The following CDH7 variants were observed in gnomAD, a reference collection of about 807,000 sequenced individuals.
The protein encoded by CDH7 is cadherin 7, also known as cadherin-7.
Under a neutral mutation model 71.8 loss-of-function variants are expected in CDH7, and 25 were observed. The ratio of observed to expected loss-of-function variants is 0.35; its 90% CI spans 0.25 to 0.49. The LOEUF (loss-of-function observed/expected upper bound fraction) is 0.49, where lower values mean the gene tolerates loss of function less well. Among genes scored for constraint, CDH7 ranks in the 20% least tolerant of loss-of-function variants. The pLI is 0.99. For missense variants in CDH7, 862 were observed against 974.6 expected (o/e 0.88, Z 1.54); for synonymous variants, 381 against 363.8 (o/e 1.05, Z -0.54).
At chr18:65,781,575 A>G (rs1376886055) in intron 2 of CDH7, among the ~76,000 whole-genome samples, 7 of 152,090 alleles carry the variant, frequency 4.6e-5, no homozygotes, top group Admixed American at 4.6e-4. Flanking sequence ...TGTTGGAGAG[A>G]AGGAAATACA....
rs915816710 is a variant in CDH7, at chr18:65,763,131, A to G, written c.210+79A>G. The G allele has an allele frequency of 6.6e-5, 50 of 755,904 alleles. 2 individuals are homozygous for G. The Middle Eastern group carries it at 3.5e-3, about 52-fold the overall frequency. The allele number at this position is 755,904 out of a possible 1,614,324, so 46.8% of individuals were successfully genotyped here. ...TTTGATGAAAAACTGCTATATATAT[A>G]TAAAATTTATTTTTTGCTATGGGGA... On this transcript the variant is annotated intron_variant, in intron 2 of 11. Coordinates refer to ENST00000397968, the MANE Select transcript of CDH7 (RefSeq NM_004361.5).
intron 5 of CDH7, among the ~76,000 whole-genome samples, chr18:65,822,849 G>A (rs935801867): frequency 1.3e-5 from 2 of 151,658 alleles, no homozygotes; most frequent in African/African-American, 2.4e-5. Context: ...GACCAAAGGG[G>A]CTTTTAACTT....
chr18:65,877,188 A>C (rs1364985218), intron 11 of CDH7, among the ~76,000 whole-genome samples: 1 of 152,128 alleles, frequency 6.6e-6, no homozygotes, highest in African/African-American at 2.4e-5. Context: ...ACCTTCCAAA[A>C]TACCATGTTT....
At chr18:65,864,889 T>TAA (rs1191269381) in intron 11 of CDH7, among the ~76,000 whole-genome samples, 2,983 of 85,848 alleles carry the variant, frequency 0.035, 148 homozygotes, top group African/African-American at 0.13. Context: ...AGACTCCATC[T>TAA]AAAAAAAAAA....
At chr18:65,865,203 A>T (rs1178671145) in intron 11 of CDH7, 2 of 152,186 alleles carry the variant, frequency 1.3e-5, no homozygotes, top group African/African-American at 4.8e-5. Context: ...TGATGATTCT[A>T]ATTAAGAATT....
chr18:65,859,622 T>C, intron 9 of CDH7, 86 bp from the exon 10 acceptor site: 1 of 771,398 alleles, frequency 1.3e-6, no homozygotes, highest in Non-Finnish European at 2.3e-6. Flanking sequence ...GTATTTATTA[T>C]AAAGTGTAAA....
At chr18:65,758,693 C>T (rs1355959904) in intron 1 of CDH7, among the ~76,000 whole-genome samples, 1 of 152,190 alleles carries the variant, frequency 6.6e-6, no homozygotes, top group African/African-American at 2.4e-5. Context: ...ACTTCAAATA[C>T]TGCAGAGAAA....
At chr18:65,879,835 A>G (rs867499557) in intron 11 of CDH7, among the ~76,000 whole-genome samples, 79 of 152,302 alleles carry the variant, frequency 5.2e-4, no homozygotes, top group African/African-American at 1.7e-3. Context: ...TTTATACATG[A>G]AAGTGGGACT....
At chr18:65,792,966 T>A (rs1910767299) in intron 2 of CDH7, among the ~76,000 whole-genome samples, 1 of 152,172 alleles carries the variant, frequency 6.6e-6, no homozygotes, top group Admixed American at 6.5e-5. Flanking sequence ...GGGTTTAATG[T>A]ATTTTCCTTG....
intron 2 of CDH7, among the ~76,000 whole-genome samples, chr18:65,809,351 C>A (rs1228346230): frequency 2.6e-5 from 4 of 152,182 alleles, no homozygotes; most frequent in South Asian, 4.1e-4. Flanking sequence ...TAGATCAAAT[C>A]AACCCATTAT....
chr18:65,828,757 C>T (rs978415761), intron 6 of CDH7, among the ~76,000 whole-genome samples: 5 of 151,964 alleles, frequency 3.3e-5, no homozygotes, highest in South Asian at 2.1e-4. Flanking sequence ...TCATAATTTT[C>T]TTATTCTCAG....
intron 2 of CDH7, among the ~76,000 whole-genome samples, chr18:65,806,994 G>A (rs1223377602): frequency 3.3e-5 from 5 of 152,066 alleles, no homozygotes; most frequent in African/African-American, 1.2e-4. Flanking sequence ...TTTTCTGCTT[G>A]TGAATTTTGG....
At chr18:65,842,483 G>A (rs1912769702) in intron 6 of CDH7, among the ~76,000 whole-genome samples, 1 of 151,664 alleles carries the variant, frequency 6.6e-6, no homozygotes, top group South Asian at 2.1e-4. Context: ...CATATGTAAT[G>A]TGTATACATA....
intron 7 of CDH7, among the ~76,000 whole-genome samples, chr18:65,847,016 AGGTT>A (rs1912957038): frequency 1.5e-5 from 1 of 64,892 alleles, no homozygotes; most frequent in South Asian, 1.3e-3. Flanking sequence ...TCTATATTGC[AGGTT>A]GTCTTGTACT....
intron 5 of CDH7, among the ~76,000 whole-genome samples, chr18:65,823,901 C>T (rs947451704): frequency 5.3e-5 from 8 of 151,804 alleles, no homozygotes; most frequent in Non-Finnish European, 1.0e-4. Context: ...TGCGGTGTTT[C>T]GTCATTTCTG....
chr18:65,869,750 T>C (rs1342823178), intron 11 of CDH7, among the ~76,000 whole-genome samples: 1 of 152,004 alleles, frequency 6.6e-6, no homozygotes, highest in East Asian at 1.9e-4. Context: ...GGACTGAACA[T>C]TATTTTGTCA....
chr18:65,842,730 A>G (rs1187565567), intron 6 of CDH7, among the ~76,000 whole-genome samples: 1 of 152,124 alleles, frequency 6.6e-6, no homozygotes, highest in East Asian at 1.9e-4. Flanking sequence ...CCAAACATAC[A>G]GTGAATGAAT....
At chr18:65,766,513 A>G (rs372372564) in intron 2 of CDH7, among the ~76,000 whole-genome samples, 2 of 152,086 alleles carry the variant, frequency 1.3e-5, no homozygotes, top group African/African-American at 4.8e-5. Context: ...GCTATGCTAG[A>G]CTCCGATGGT....
intron 2 of CDH7, among the ~76,000 whole-genome samples, chr18:65,782,329 A>G (rs1910341880): frequency 6.6e-6 from 1 of 151,280 alleles, no homozygotes; most frequent in Non-Finnish European, 1.5e-5. Flanking sequence ...ACCACACCTG[A>G]CAAATTTTTG....
Sources: gnomAD v4.1 joint callset for allele counts (sites outside exome capture counted in the v4.1 genomes callset) on GRCh38, gnomAD v4.1.1 for gene constraint, MANE v1.5 for transcripts, NCBI Gene and HGNC (gene_info 2026-07-23, HGNC 2026-07-21) for gene names.